The following PLCE1 variants were observed in gnomAD, a reference collection of about 807,000 sequenced individuals.
PLCE1 encodes 1-phosphatidylinositol 4,5-bisphosphate phosphodiesterase epsilon-1.
In PLCE1, 119 loss-of-function variants were observed where a neutral mutation model predicts 242.8. The observed-to-expected ratio is 0.49, with a 90% confidence interval of 0.42 to 0.57. PLCE1 has a LOEUF of 0.57. Among genes scored for constraint, PLCE1 ranks in the 20% least tolerant of loss-of-function variants. The pLI is 0.00. For synonymous variants in PLCE1, 945 were observed against 1,017.4 expected (o/e 0.93, Z 1.35); for missense variants, 2,441 against 2,788.8 (o/e 0.88, Z 2.81).
intron 2 of PLCE1, among the ~76,000 whole-genome samples, chr10:94,070,025 T>C (rs1275466067): frequency 6.6e-6 from 1 of 151,946 alleles, no homozygotes. Flanking sequence ...CTTCCTTCAA[T>C]TAAAAACTGT....
At position 94,114,596 on chromosome 10, in the gene PLCE1, C is replaced by T. The variant is rs187192161; in HGVS notation, c.1207-17578C>T. Among the ~76,000 whole-genome samples the T allele has an allele frequency of 1.9e-3, 289 of 152,300 alleles. 1 individual carries two copies. Among genetic ancestry groups the T allele is most frequent in the Admixed American group, 3.1e-3 (48 of 15,306 alleles). ...TTTATACCAAGCCTCATAGCACCTC[C>T]CATGTAGGTAGCATTTCCTACTATT... On this transcript the variant is annotated intron_variant, in intron 2 of 32. Coordinates refer to ENST00000371380, the MANE Select transcript of PLCE1 (RefSeq NM_016341.4).
At chr10:94,207,354 A>G (rs1357027412) in intron 4 of PLCE1, among the ~76,000 whole-genome samples, 4 of 152,260 alleles carry the variant, frequency 2.6e-5, no homozygotes, top group African/African-American at 7.2e-5. Flanking sequence ...TAGGATAACT[A>G]TACAAAAGCC....
At chr10:94,187,626 C>A (rs1355932949) in intron 4 of PLCE1, among the ~76,000 whole-genome samples, 1 of 152,046 alleles carries the variant, frequency 6.6e-6, no homozygotes, top group Non-Finnish European at 1.5e-5. Flanking sequence ...CCACAGATTC[C>A]TCAAGGGCCA....
intron 2 of PLCE1, among the ~76,000 whole-genome samples, chr10:94,055,677 T>C (rs909548191): frequency 1.3e-5 from 2 of 152,178 alleles, no homozygotes; most frequent in African/African-American, 2.4e-5. Flanking sequence ...CTCCTACTTG[T>C]TATAACCTTG....
In PLCE1 at chr10:94,157,954, C is replaced by T. The variant is rs530097472; in HGVS notation, c.1493-13226C>T. On this transcript the variant is annotated intron_variant, in intron 3 of 32. Transcript: ENST00000371380. ...CATCTGCTAATGGGAATAATAACAG[C>T]GTGGGGTGCTGTGCTGTCTACATAG... Among the ~76,000 whole-genome samples the T allele has an allele frequency of 7.9e-5, 12 of 152,226 alleles. No homozygotes were observed. In the South Asian group the frequency reaches 2.5e-3, roughly 32 times the overall value.
Position 94,306,535 on chromosome 10 carries a change from A to G in PLCE1, c.5731A>G (p.Ile1911Val). The G allele has an allele frequency of 6.2e-7, 1 of 1,614,174 alleles. No individual in the cohort carries two copies. Among genetic ancestry groups the G allele is most frequent in the Non-Finnish European group, 8.5e-7 (1 of 1,180,024 alleles). The change falls in exon 26 of 33, where the codon ATC (isoleucine) becomes GTC (valine). Residue 1911 changes from isoleucine (I) to valine (V), a missense_variant. By Grantham distance (29) the Ile-to-Val change is conservative. Transcript: ENST00000371380. This position sits in a 1 kb window ranked among gnomAD's most constrained non-coding sequence, Gnocchi z 5.7. ...LDSCHFRTKP[I>V]HRNTLNPMWN... is the part of the protein sequence containing the mutation. ...CAGCTGCCATTTCCGCACAAAGCCC[A>G]TCCATCGAAACACCCTGAACCCCAT... is the stretch of plus-strand genomic sequence containing the variant.
intron 19 of PLCE1, among the ~76,000 whole-genome samples, chr10:94,276,987 G>C (rs546277874): frequency 6.6e-6 from 1 of 152,272 alleles, no homozygotes; most frequent in East Asian, 1.9e-4. Context: ...ACCTAGTGAT[G>C]ATCTGACCTC....
intron 8 of PLCE1, among the ~76,000 whole-genome samples, chr10:94,248,399 G>A (rs904890560): frequency 1.3e-5 from 2 of 152,230 alleles, no homozygotes; most frequent in Admixed American, 6.5e-5. Flanking sequence ...TCAGGAGTTC[G>A]AGACCAGCCT....
intron 2 of PLCE1, chr10:94,088,347 T>C (rs1157124225): frequency 6.6e-6 from 1 of 152,228 alleles, no homozygotes; most frequent in Non-Finnish European, 1.5e-5. Flanking sequence ...TCTCCACTAG[T>C]CTCAAGCTAA....
chr10:94,321,056 A>G (rs1214925816), intron 29 of PLCE1, among the ~76,000 whole-genome samples: 1 of 152,152 alleles, frequency 6.6e-6, no homozygotes, highest in Non-Finnish European at 1.5e-5. Flanking sequence ...AAGCCAATTA[A>G]TCTAATTCTC....
intron 2 of PLCE1, among the ~76,000 whole-genome samples, chr10:94,076,807 G>A (rs2044516875): frequency 6.6e-6 from 1 of 152,104 alleles, no homozygotes; most frequent in Admixed American, 6.5e-5. Flanking sequence ...CCTTGAGGGG[G>A]GCTTTTCCTA....
At chr10:94,028,891 A>C (rs2061502816) in intron 1 of PLCE1, among the ~76,000 whole-genome samples, 2 of 152,002 alleles carry the variant, frequency 1.3e-5, no homozygotes, top group South Asian at 2.1e-4. Context: ...TATGTCCACA[A>C]ATTCTTTGAT....
intron 2 of PLCE1, among the ~76,000 whole-genome samples, chr10:94,043,935 G>A (rs1437762242): frequency 2.0e-5 from 3 of 152,126 alleles, no homozygotes; most frequent in African/African-American, 7.2e-5. Flanking sequence ...AATTGAGACT[G>A]ACCCAGGAAA....
chr10:94,226,464 T>C (rs1373659383), intron 4 of PLCE1, among the ~76,000 whole-genome samples: 1 of 152,126 alleles, frequency 6.6e-6, no homozygotes, highest in Non-Finnish European at 1.5e-5. Flanking sequence ...TGAGGTAATA[T>C]AGGTAAAGTG....
At chr10:94,225,442 G>A (rs1356492244) in intron 4 of PLCE1, 1 of 152,250 alleles carries the variant, frequency 6.6e-6, no homozygotes, top group African/African-American at 2.4e-5. Flanking sequence ...GGAGGCCGAG[G>A]TGGGTGGATC....
chr10:94,291,109 A>G (rs1396766963), intron 22 of PLCE1, among the ~76,000 whole-genome samples: 1 of 152,326 alleles, frequency 6.6e-6, no homozygotes, highest in East Asian at 1.9e-4. Flanking sequence ...TTCTGAAGGA[A>G]GATACCATCA....
chr10:94,038,751 C>T (rs1471617407), intron 2 of PLCE1, among the ~76,000 whole-genome samples: 1 of 151,928 alleles, frequency 6.6e-6, no homozygotes, highest in African/African-American at 2.4e-5. Context: ...TACAATTCAC[C>T]CAGTTAAGGT....
chr10:94,038,745 A>G (rs925645892), intron 2 of PLCE1, among the ~76,000 whole-genome samples: 4 of 152,088 alleles, frequency 2.6e-5, no homozygotes, highest in Admixed American at 2.0e-4. Flanking sequence ...ATACCATACA[A>G]TTCACCCAGT....
chr10:94,094,172 A>G (rs892108258), intron 2 of PLCE1, among the ~76,000 whole-genome samples: 1 of 147,704 alleles, frequency 6.8e-6, no homozygotes, highest in Non-Finnish European at 1.5e-5. Flanking sequence ...CGATCTCCTG[A>G]CCTCGTGATC....
Sources: gnomAD v4.1 joint callset for allele counts (sites outside exome capture counted in the v4.1 genomes callset) on GRCh38, gnomAD v4.1.1 for gene constraint, Gnocchi (gnomAD v3.1) non-coding constraint, MANE v1.5 for transcripts, NCBI Gene and HGNC (gene_info 2026-07-23, HGNC 2026-07-21) for gene names.